Variants in CNNM1 observed in about 807,000 individuals in gnomAD.
CNNM1 encodes cyclin and CBS domain divalent metal cation transport mediator 1, also known as metal transporter CNNM1.
A neutral mutation model predicts 78.8 loss-of-function variants in CNNM1; 44 were observed. The observed-to-expected ratio is 0.56, with a 90% confidence interval of 0.44 to 0.72. CNNM1 has a LOEUF of 0.72. Ranked by LOEUF, CNNM1 falls within the 30% of genes least tolerant of loss-of-function variation. The probability of loss-of-function intolerance (pLI) is 0.00; values close to 1 mark genes in which losing one functional copy is unlikely to be tolerated. For synonymous variants in CNNM1, 584 were observed against 581.5 expected, an observed-to-expected ratio of 1.00 and a Z score of -0.06; for missense variants, 1,101 against 1,292.2, an observed-to-expected ratio of 0.85 and a Z score of 2.27.
intron 4 of CNNM1, among the ~76,000 whole-genome samples, chr10:99,363,743 T>C (rs1314694723): frequency 6.9e-6 from 1 of 144,514 alleles, no homozygotes; most frequent in East Asian, 2.0e-4. Context: ...ATTTTATCTT[T>C]TTTTTTTTTT....
chr10:99,383,176 G>C (rs544358636), intron 7 of CNNM1, among the ~76,000 whole-genome samples: 3 of 152,340 alleles, frequency 2.0e-5, no homozygotes, highest in Middle Eastern at 3.4e-3. Flanking sequence ...ACCAGTTAGA[G>C]AGAGGAAGCT....
At chr10:99,359,089 G>A (rs2031335465) in intron 2 of CNNM1, among the ~76,000 whole-genome samples, 1 of 147,874 alleles carries the variant, frequency 6.8e-6, no homozygotes, top group South Asian at 2.2e-4. Flanking sequence ...AAGGTGTTAG[G>A]TACTGATAAT....
At chr10:99,370,036 A>T (rs2031749307) in intron 6 of CNNM1, among the ~76,000 whole-genome samples, 1 of 152,250 alleles carries the variant, frequency 6.6e-6, no homozygotes. Context: ...TCAGTTAACC[A>T]GATGACCTAG....
intron 7 of CNNM1, among the ~76,000 whole-genome samples, chr10:99,382,021 GTTTT>G (rs1271899040): frequency 6.6e-6 from 1 of 152,088 alleles, no homozygotes; most frequent in Non-Finnish European, 1.5e-5. Context: ...TTGTTATTGT[GTTTT>G]TTAACATGAG....
intron 1 of CNNM1, among the ~76,000 whole-genome samples, chr10:99,346,053 G>C (rs890672518): frequency 6.6e-6 from 1 of 151,802 alleles, no homozygotes; most frequent in Non-Finnish European, 1.5e-5. Context: ...GGGAAAGAAG[G>C]CAAAAAAAAT....
At chr10:99,346,819 G>T (rs562632271) in intron 1 of CNNM1, among the ~76,000 whole-genome samples, 2 of 151,644 alleles carry the variant, frequency 1.3e-5, no homozygotes, top group African/African-American at 4.9e-5. Flanking sequence ...ATGTTGTCTA[G>T]GCTGATCTTG....
At chr10:99,378,959 T>A (rs7087823) in intron 7 of CNNM1, among the ~76,000 whole-genome samples, 1 of 152,228 alleles carries the variant, frequency 6.6e-6, no homozygotes, top group Non-Finnish European at 1.5e-5. Flanking sequence ...TTAAGTCTAA[T>A]GTGACAAGGA....
intron 1 of CNNM1, among the ~76,000 whole-genome samples, chr10:99,342,714 TAGCTGTTTCTCATCTCATTCCAA>T (rs1359178379): frequency 6.6e-6 from 1 of 152,062 alleles, no homozygotes; most frequent in Non-Finnish European, 1.5e-5. Flanking sequence ...TGTGTCAAGG[TAGCTGTTTCTCATCTCATTCCAA>T]AGGAGGCTTT....
At chr10:99,344,145 C>T (rs1173615450) in intron 1 of CNNM1, among the ~76,000 whole-genome samples, 2 of 150,010 alleles carry the variant, frequency 1.3e-5, no homozygotes, top group African/African-American at 4.9e-5. Context: ...CCAGCCTGAC[C>T]AACATGGTGA....
chr10:99,332,915 G>A (rs2029982982), intron 1 of CNNM1, among the ~76,000 whole-genome samples: 1 of 152,144 alleles, frequency 6.6e-6, no homozygotes, highest in South Asian at 2.1e-4. Context: ...TTAGAATTAT[G>A]CTTACATTTT....
chr10:99,385,052 CAAAAAA>C, intron 7 of CNNM1, among the ~76,000 whole-genome samples: 1 of 111,434 alleles, frequency 9.0e-6, no homozygotes, highest in Non-Finnish European at 1.9e-5. Flanking sequence ...GACTCCATCT[CAAAAAA>C]AAAAAAAAAT....
chr10:99,357,451 C>T, intron 1 of CNNM1, 61 bp from the exon 2 acceptor site: 1 of 1,532,848 alleles, frequency 6.5e-7, no homozygotes, highest in Non-Finnish European at 8.8e-7. Context: ...TCATTTTTCT[C>T]ACAAAAAAAG....
chr10:99,334,860 A>G (rs1216875847), intron 1 of CNNM1, among the ~76,000 whole-genome samples: 1 of 152,172 alleles, frequency 6.6e-6, no homozygotes, highest in African/African-American at 2.4e-5. Flanking sequence ...GGCCCTTTAC[A>G]TACTCAGAAC....
At position 99,329,385 on chromosome 10, in the gene CNNM1, A is replaced by G. The variant is rs770008117; in HGVS notation, c.-3A>G. ...TATCACGTGCAGCTGCGCTGGGTGC[A>G]GGATGGCGGCGGCCGCGGCGGCGGC... On this transcript the variant is annotated 5_prime_UTR_variant, in exon 1 of 11. Coordinates refer to ENST00000356713, the MANE Select transcript of CNNM1 (RefSeq NM_020348.3). 1.3e-5 allele frequency: 9 copies of G among 672,328 alleles called. No homozygotes were observed. Among genetic ancestry groups the G allele is most frequent in the Middle Eastern group, 4.0e-4 (1 of 2,498 alleles). 41.6% of individuals were successfully genotyped at this position (672,328 alleles called of 1,614,324 possible).
At chr10:99,378,823 G>A (rs1353315559) in intron 7 of CNNM1, among the ~76,000 whole-genome samples, 1 of 152,196 alleles carries the variant, frequency 6.6e-6, no homozygotes, top group Non-Finnish European at 1.5e-5. Context: ...TCTGCCTCCA[G>A]AATCCAAGCC....
chr10:99,385,658 T>G (rs901643482), intron 7 of CNNM1, among the ~76,000 whole-genome samples: 1 of 152,252 alleles, frequency 6.6e-6, no homozygotes, highest in Non-Finnish European at 1.5e-5. Flanking sequence ...GTTATCTCAT[T>G]ATCTCTGGGC....
Position 99,330,776 on chromosome 10 carries a change from C to T in CNNM1, c.1389C>T (p.Arg463=), listed in dbSNP as rs1293030525. Residue 463 remains arginine (R), a synonymous_variant, in exon 1 of 11, where the codon CGC becomes CGT. Transcript: ENST00000356713. ...AGATCCTGCGCAGCGGCTACACTCGCATCCCAGTGTACGAGGGTGACCAGC... is the reference window on the plus strand; with the variant it reads ...AGATCCTGCGCAGCGGCTACACTCGTATCCCAGTGTACGAGGGTGACCAGC... ...VSEILRSGYT[R]IPVYEGDQRH... 6.2e-7 allele frequency: 1 copy of T among 1,614,142 alleles called. No individual in the cohort carries two copies. Among genetic ancestry groups the T allele is most frequent in the Non-Finnish European group, 8.5e-7 (1 of 1,179,980 alleles).
In CNNM1 at chr10:99,341,462, T is replaced by A. The variant is rs557699706; in HGVS notation, c.1573+10502T>A. Among the ~76,000 whole-genome samples the A allele has an allele frequency of 3.1e-4, 47 of 152,044 alleles. 1 individual carries two copies. Among genetic ancestry groups the A allele is most frequent in the Admixed American group, 2.4e-3 (36 of 15,286 alleles). On this transcript the variant is annotated intron_variant, in intron 1 of 10. Coordinates refer to ENST00000356713, the MANE Select transcript of CNNM1 (RefSeq NM_020348.3). The stretch of plus-strand genomic sequence containing the variant: ...AACGAGAAAGAAGGAAGGGCCATGA[T>A]GGAAATGATGATAAGAGGCAGCCTG...
Position 99,387,966 on chromosome 10 carries a change from C to A in CNNM1, c.2487C>A (p.Pro829=), listed in dbSNP as rs755517165. 23 of 1,600,504 alleles carry A rather than the reference C, an allele frequency of 1.4e-5. No individual in the cohort carries two copies. The highest frequency in any genetic ancestry group is 2.0e-5 in the Non-Finnish European group (23 of 1,173,840). ...RGTPQTPKDD[P]AITLLNNRNS... ...CACCCCAGACCCCTAAGGATGACCC[C>A]GCCATCACGCTCCTCAACAACAGGA... Residue 829 remains proline (P), a synonymous_variant, in exon 8 of 11, where the codon CCC becomes CCA. Coordinates refer to ENST00000356713, the MANE Select transcript of CNNM1 (RefSeq NM_020348.3).
Sources: allele counts gnomAD v4.1 joint callset (sites outside exome capture counted in the v4.1 genomes callset), GRCh38; gene constraint gnomAD v4.1.1; transcripts MANE v1.5; gene names NCBI Gene and HGNC (gene_info 2026-07-23, HGNC 2026-07-21).